DGKI: variants seen among roughly 807,000 people sequenced by gnomAD.
DGKI encodes the protein diacylglycerol kinase iota.
A neutral mutation model predicts 147.5 loss-of-function variants in DGKI; 55 were observed. The observed-to-expected ratio is 0.37, with a 90% CI of 0.30 to 0.47. The LOEUF is 0.47. Ranked by LOEUF, DGKI falls within the 20% of genes least tolerant of loss-of-function variation. The pLI is 1.00. For missense variants in DGKI, 1,007 were observed against 1,323.8 expected (o/e 0.76, Z 3.71); for synonymous variants, 469 against 477.1 (o/e 0.98, Z 0.22).
At chr7:137,668,540 T>G (rs1319923055) in intron 3 of DGKI, among the ~76,000 whole-genome samples, 2 of 152,230 alleles carry the variant, frequency 1.3e-5, no homozygotes, top group Non-Finnish European at 2.9e-5. Context: ...CATTCAATGT[T>G]AAGTAACACA....
At chr7:137,421,007 A>G (rs1812546530) in intron 28 of DGKI, among the ~76,000 whole-genome samples, 1 of 152,142 alleles carries the variant, frequency 6.6e-6, no homozygotes, top group African/African-American at 2.4e-5. Flanking sequence ...TGACAGAGTG[A>G]GATTCCGTCT....
chr7:137,789,848 A>C (rs1796795559), intron 1 of DGKI, among the ~76,000 whole-genome samples: 1 of 152,288 alleles, frequency 6.6e-6, no homozygotes, highest in South Asian at 2.1e-4. Context: ...AAACACAACA[A>C]GGGGCACTTG....
At chr7:137,455,737 T>C (rs1327932127) in intron 27 of DGKI, among the ~76,000 whole-genome samples, 1 of 150,716 alleles carries the variant, frequency 6.6e-6, no homozygotes, top group African/African-American at 2.4e-5. Flanking sequence ...CTTCTTAGAG[T>C]AGGGGGTTCA....
intron 6 of DGKI, among the ~76,000 whole-genome samples, chr7:137,635,813 G>T (rs1821289462): frequency 6.6e-6 from 1 of 152,220 alleles, no homozygotes; most frequent in Non-Finnish European, 1.5e-5. Flanking sequence ...ACAGAAACCA[G>T]TGAGAGAAAG....
At chr7:137,632,062 A>G (rs923209745) in intron 6 of DGKI, among the ~76,000 whole-genome samples, 1 of 152,234 alleles carries the variant, frequency 6.6e-6, no homozygotes, top group Non-Finnish European at 1.5e-5. Flanking sequence ...TAATAGCACT[A>G]AACCATCAAA....
At chr7:137,647,482 C>T (rs1438713381) in intron 5 of DGKI, among the ~76,000 whole-genome samples, 1 of 152,176 alleles carries the variant, frequency 6.6e-6, no homozygotes, top group Non-Finnish European at 1.5e-5. Context: ...CTGGTTCCCC[C>T]AAAGAATCTC....
intron 3 of DGKI, among the ~76,000 whole-genome samples, chr7:137,665,105 G>C (rs1822588205): frequency 6.6e-6 from 1 of 152,212 alleles, no homozygotes; most frequent in Non-Finnish European, 1.5e-5. Context: ...GAGGTCAGAT[G>C]ATAACAGCAG....
intron 21 of DGKI, among the ~76,000 whole-genome samples, chr7:137,503,012 A>G (rs993870315): frequency 1.3e-5 from 2 of 152,172 alleles, no homozygotes; most frequent in Admixed American, 6.5e-5. Context: ...GACCAGAACC[A>G]TCAGACTCAG....
intron 12 of DGKI, among the ~76,000 whole-genome samples, chr7:137,589,436 G>A (rs1016187857): frequency 3.9e-5 from 6 of 152,146 alleles, no homozygotes; most frequent in African/African-American, 1.4e-4. Context: ...CTAAACTGGG[G>A]AACTTACTCC....
chr7:137,743,028 A>G (rs1358485773), intron 1 of DGKI, among the ~76,000 whole-genome samples: 2 of 152,226 alleles, frequency 1.3e-5, no homozygotes, highest in African/African-American at 4.8e-5. Context: ...GTAAAAAAGG[A>G]CAAAGAAGGA....
chr7:137,588,662 G>C (rs1819500136), intron 12 of DGKI, among the ~76,000 whole-genome samples: 2 of 151,976 alleles, frequency 1.3e-5, no homozygotes, highest in Non-Finnish European at 2.9e-5. Flanking sequence ...ATTTTTAGTA[G>C]AGACGGGGTT....
chr7:137,514,206 A>C (rs1816674308), intron 21 of DGKI, among the ~76,000 whole-genome samples: 2 of 152,222 alleles, frequency 1.3e-5, no homozygotes, highest in Admixed American at 1.3e-4. Flanking sequence ...CCATATAATA[A>C]ATCACCTCTT....
intron 3 of DGKI, among the ~76,000 whole-genome samples, chr7:137,662,080 A>T (rs1822453915): frequency 6.6e-6 from 1 of 152,184 alleles, no homozygotes; most frequent in Non-Finnish European, 1.5e-5. Context: ...TGGCATTAGG[A>T]AAAATGAAGA....
At chr7:137,546,868 T>C (rs1450242484) in intron 20 of DGKI, among the ~76,000 whole-genome samples, 1 of 152,240 alleles carries the variant, frequency 6.6e-6, no homozygotes, top group African/African-American at 2.4e-5. Context: ...GTCTGTGTTA[T>C]CCTCCAAGTA....
chr7:137,585,041 C>T (rs924389349), intron 14 of DGKI, among the ~76,000 whole-genome samples, 168 bp downstream of exon 14: 1 of 152,132 alleles, frequency 6.6e-6, no homozygotes, highest in Non-Finnish European at 1.5e-5. Context: ...GGGGCAGAAT[C>T]ATTAGGTGGT....
At chr7:137,463,910 A>C (rs910363073) in intron 26 of DGKI, among the ~76,000 whole-genome samples, 1 of 152,194 alleles carries the variant, frequency 6.6e-6, no homozygotes, top group Admixed American at 6.5e-5. Flanking sequence ...AGAAAATAAC[A>C]AAGTCCATCC....
At chr7:137,617,057 A>C (rs562694572) in intron 8 of DGKI, among the ~76,000 whole-genome samples, 1 of 147,698 alleles carries the variant, frequency 6.8e-6, no homozygotes, top group African/African-American at 2.5e-5. Context: ...TCTTAGCATC[A>C]CTGAGAGTGA....
chr7:137,825,827 C>A (rs1028370684), intron 1 of DGKI, among the ~76,000 whole-genome samples: 1 of 152,070 alleles, frequency 6.6e-6, no homozygotes, highest in African/African-American at 2.4e-5. Context: ...CAATCTAGGG[C>A]AGTGAAAAGT....
Position 137,688,986 on chromosome 7 carries a change from T to G in DGKI, c.510+908A>C, listed in dbSNP as rs573094214. Among the ~76,000 whole-genome samples the G allele has an allele frequency of 1.5e-4, 23 of 152,224 alleles. 1 individual carries two copies. In the South Asian group the frequency reaches 4.8e-3, roughly 32 times the overall value. On this transcript the variant is annotated intron_variant, in intron 2 of 32. Coordinates refer to ENST00000614521, the MANE Select transcript of DGKI (RefSeq NM_001321708.2). ...ATTGGTATGCATCCAAGATGTAAAA[T>G]AAGGATATTAATAAGTGTGTGCTGA...
Sources: allele counts gnomAD v4.1 joint callset (sites outside exome capture counted in the v4.1 genomes callset), GRCh38; gene constraint gnomAD v4.1.1; transcripts MANE v1.5; gene names NCBI Gene and HGNC (gene_info 2026-07-23, HGNC 2026-07-21).